The following AGPAT3 variants were observed in gnomAD, a reference collection of about 807,000 sequenced individuals.
AGPAT3 encodes 1-acyl-sn-glycerol-3-phosphate acyltransferase gamma.
A neutral mutation model predicts 47.3 loss-of-function variants in AGPAT3; 5 were observed. That is an observed-to-expected ratio of 0.11 (90% CI 0.06 to 0.22). The LOEUF (loss-of-function observed/expected upper bound fraction) is 0.22. Among genes scored for constraint, AGPAT3 ranks in the 10% least tolerant of loss-of-function variants. The probability of loss-of-function intolerance (pLI) is 1.00; values close to 1 mark genes in which losing one functional copy is unlikely to be tolerated. For synonymous variants in AGPAT3, 212 were observed against 208.3 expected, an observed-to-expected ratio of 1.02 and a Z score of -0.15; for missense variants, 315 against 493.0, an observed-to-expected ratio of 0.64 and a Z score of 3.42.
chr21:43,902,835 CA>C (rs1185518056), intron 1 of AGPAT3, among the ~76,000 whole-genome samples: 2 of 152,098 alleles, frequency 1.3e-5, no homozygotes, highest in Non-Finnish European at 2.9e-5. Context: ...GCTTTGTCTA[CA>C]AAAAATTTAA....
At chr21:43,918,286 C>CAAA (rs2086803101) in intron 2 of AGPAT3, among the ~76,000 whole-genome samples, 1 of 137,898 alleles carries the variant, frequency 7.3e-6, no homozygotes, top group South Asian at 2.4e-4. Context: ...TAGTTCATAA[C>CAAA]AGCACTTTGG....
In AGPAT3 at chr21:43,970,901, AAC is replaced by A. The variant is rs2089368196; in HGVS notation, c.664+99_664+100del. On this transcript the variant is annotated intron_variant, in intron 6 of 9. Transcript: ENST00000291572. The surrounding 1 kb of genome is among the most constrained non-coding windows in gnomAD (Gnocchi z 5.8). ...AAAAAAATGAGTGCATTCCATGTGA[AAC>A]ACAGAAGAACAGAAGTGCAAAAGGA... is the stretch of plus-strand genomic sequence containing the variant. 2 of 1,329,632 alleles carry A rather than the reference AAC, an allele frequency of 1.5e-6. No individual in the cohort carries two copies. Among genetic ancestry groups the A allele is most frequent in the Non-Finnish European group, 2.0e-6 (2 of 1,021,296 alleles). 82.4% of individuals were successfully genotyped at this position (1,329,632 alleles called of 1,614,324 possible).
chr21:43,883,462 T>C (rs2123601164), intron 1 of AGPAT3, among the ~76,000 whole-genome samples: 1 of 152,322 alleles, frequency 6.6e-6, no homozygotes, highest in Non-Finnish European at 1.5e-5. Context: ...GCCGGGGCCC[T>C]GGGCCCCGGG....
chr21:43,925,442 G>C (rs902502487), intron 2 of AGPAT3: 2 of 152,434 alleles, frequency 1.3e-5, no homozygotes, highest in African/African-American at 4.8e-5. Context: ...TGCCCCCGGG[G>C]TCCAACAAGG....
At chr21:43,921,051 T>C (rs1569065062) in intron 2 of AGPAT3, among the ~76,000 whole-genome samples, 1 of 152,100 alleles carries the variant, frequency 6.6e-6, no homozygotes, top group Non-Finnish European at 1.5e-5. Flanking sequence ...AGGCGGAGCT[T>C]GCAGTGAGCC....
At chr21:43,974,327 G>A (rs1383942914) in intron 7 of AGPAT3, among the ~76,000 whole-genome samples, 3 of 151,970 alleles carry the variant, frequency 2.0e-5, no homozygotes, top group African/African-American at 4.8e-5. Context: ...TGTGGTGTGT[G>A]TATAGTGTGG....
chr21:43,905,264 A>G lies in AGPAT3; in HGVS notation c.-49+1245A>G, dbSNP rs968949178. Reference sequence around the variant, plus strand: ...GAGTGCAGTAGAACGATCTCGGCTCACTGCAACCTCCACTTCCCAGGTTCA... The same window carrying G: ...GAGTGCAGTAGAACGATCTCGGCTCGCTGCAACCTCCACTTCCCAGGTTCA... On this transcript the variant is annotated intron_variant, in intron 2 of 9. Transcript: ENST00000291572. 9.9e-5 allele frequency among the ~76,000 whole-genome samples: 15 copies of G among 151,780 alleles called. No individual in the cohort carries two copies. The East Asian group carries it at 1.9e-3, about 20-fold the overall frequency.
chr21:43,917,963 TG>T (rs2086785375), intron 2 of AGPAT3, among the ~76,000 whole-genome samples: 1 of 52,192 alleles, frequency 1.9e-5, no homozygotes, highest in Admixed American at 2.9e-4. Flanking sequence ...GTAGGGGGTG[TG>T]GGTGTTGGGG....
chr21:43,911,094 C>G (rs1276353963), intron 2 of AGPAT3, among the ~76,000 whole-genome samples: 1 of 152,220 alleles, frequency 6.6e-6, no homozygotes, highest in East Asian at 1.9e-4. Flanking sequence ...AACATACATA[C>G]ACCGACAGAG....
At chr21:43,958,224 G>T (rs1412980455) in intron 2 of AGPAT3, among the ~76,000 whole-genome samples, 1 of 152,116 alleles carries the variant, frequency 6.6e-6, no homozygotes, top group East Asian at 1.9e-4. Flanking sequence ...TTTCTGGTTT[G>T]CATGGGAGAG....
intron 2 of AGPAT3, among the ~76,000 whole-genome samples, chr21:43,929,550 C>T (rs1003070144): frequency 1.3e-5 from 2 of 152,178 alleles, no homozygotes; most frequent in Admixed American, 1.3e-4. Flanking sequence ...AAGACGGTGC[C>T]GCCTGCTGGC....
intron 1 of AGPAT3, among the ~76,000 whole-genome samples, chr21:43,886,311 T>C (rs1041253820): frequency 2.6e-5 from 4 of 152,170 alleles, no homozygotes; most frequent in African/African-American, 7.2e-5. Context: ...TGGAGTGCAG[T>C]GGCGTGGTCT....
chr21:43,958,509 G>A (rs1460704366), intron 2 of AGPAT3, among the ~76,000 whole-genome samples: 1 of 151,546 alleles, frequency 6.6e-6, no homozygotes, highest in African/African-American at 2.4e-5. Flanking sequence ...ATGTGTGAGC[G>A]TGTGTGTCGT....
intron 1 of AGPAT3, among the ~76,000 whole-genome samples, chr21:43,870,088 G>A (rs966954185): frequency 3.5e-4 from 53 of 152,120 alleles, no homozygotes; most frequent in Non-Finnish European, 3.8e-4. Context: ...CGGCACGGGC[G>A]GGCGGGATTT....
intron 7 of AGPAT3, among the ~76,000 whole-genome samples, chr21:43,975,265 G>T (rs2089566949): frequency 6.6e-6 from 1 of 151,070 alleles, no homozygotes; most frequent in South Asian, 2.1e-4. Context: ...GGTGTGTTCT[G>T]GTGTGTGCTG....
chr21:43,943,085 TG>T (rs1322953442), intron 2 of AGPAT3, among the ~76,000 whole-genome samples: 1 of 151,902 alleles, frequency 6.6e-6, no homozygotes, highest in Non-Finnish European at 1.5e-5. Flanking sequence ...TTTTTTTTGG[TG>T]GGGGGCGGGA....
Position 43,934,734 on chromosome 21 carries a change from C to A in AGPAT3, c.-48-24900C>A, listed in dbSNP as rs963784196. 3.9e-5 allele frequency among the ~76,000 whole-genome samples: 6 copies of A among 152,114 alleles called. No homozygotes were observed. The highest frequency in any genetic ancestry group is 8.8e-5 in the Non-Finnish European group (6 of 67,998). On this transcript the variant is annotated intron_variant, in intron 2 of 9. Transcript: ENST00000291572. The surrounding 1 kb of genome is among the most constrained non-coding windows in gnomAD (Gnocchi z 4.7). ...ATGGTGGAGGAGCCACAGCACAAAG[C>A]AAGCCACGCCATGCCACCCACGTGC... is the stretch of plus-strand genomic sequence containing the variant.
chr21:43,911,567 C>A (rs2146096159), intron 2 of AGPAT3, among the ~76,000 whole-genome samples: 1 of 152,328 alleles, frequency 6.6e-6, no homozygotes, highest in African/African-American at 2.4e-5. Context: ...CCTGCTCTTT[C>A]TTTCTGTCTG....
At chr21:43,905,727 C>T (rs1436830009) in intron 2 of AGPAT3, among the ~76,000 whole-genome samples, 2 of 152,224 alleles carry the variant, frequency 1.3e-5, no homozygotes, top group Non-Finnish European at 2.9e-5. Flanking sequence ...GCAAAAGAAA[C>T]TTGAACTGTC....
Sources: gnomAD v4.1 joint callset for allele counts (sites outside exome capture counted in the v4.1 genomes callset) on GRCh38, gnomAD v4.1.1 for gene constraint, Gnocchi (gnomAD v3.1) non-coding constraint, MANE v1.5 for transcripts, NCBI Gene and HGNC (gene_info 2026-07-23, HGNC 2026-07-21) for gene names.